The following ZNF423 variants were observed in gnomAD, a reference collection of about 807,000 sequenced individuals.
ZNF423 encodes the protein zinc finger protein 423.
ZNF423 carries 12 observed loss-of-function variants against 95.8 expected under a neutral mutation model. That is an observed-to-expected ratio of 0.13 (90% confidence interval 0.08 to 0.20). The LOEUF is 0.20. ZNF423 is among the 10% of genes least tolerant of loss of function. ZNF423 has a pLI of 1.00. For synonymous variants in ZNF423, 749 were observed against 711.9 expected, an observed-to-expected ratio of 1.05 and a Z score of -0.83; for missense variants, 1,316 against 1,737.1, an observed-to-expected ratio of 0.76 and a Z score of 4.31.
At chr16:49,790,656 C>A (rs981117580) in intron 1 of ZNF423, among the ~76,000 whole-genome samples, 15 of 152,258 alleles carry the variant, frequency 9.9e-5, no homozygotes, top group African/African-American at 3.4e-4. Context: ...GTGGAGCAAG[C>A]AGGCTGGCTT....
chr16:49,667,428 A>C (rs955031662), intron 3 of ZNF423, among the ~76,000 whole-genome samples: 3 of 152,268 alleles, frequency 2.0e-5, no homozygotes, highest in Non-Finnish European at 2.9e-5. Flanking sequence ...ACTGGATAAA[A>C]GAAATTAAAC....
chr16:49,738,890 AC>A lies in ZNF423; in HGVS notation c.101-7920del, dbSNP rs1196864780. Among the ~76,000 whole-genome samples the A allele has an allele frequency of 1.4e-4, 22 of 152,120 alleles. No homozygotes were observed. In the South Asian group the frequency reaches 3.3e-3, roughly 23 times the overall value. ...AGGCATATCCAGGGGTTACCAGAGAACCCAACTGTACAGGAGCCATCGGGAC... is the reference window on the plus strand; with the variant it reads ...AGGCATATCCAGGGGTTACCAGAGAACCAACTGTACAGGAGCCATCGGGAC... On this transcript the variant is annotated intron_variant, in intron 2 of 7. Coordinates refer to ENST00000563137, the MANE Select transcript of ZNF423 (RefSeq NM_001379286.1).
At chr16:49,628,573 CTATT>C (rs1461956851) in intron 4 of ZNF423, among the ~76,000 whole-genome samples, 3 of 152,182 alleles carry the variant, frequency 2.0e-5, no homozygotes, top group Non-Finnish European at 4.4e-5. Context: ...ATCTATCTAT[CTATT>C]TTTCTACCTA....
In ZNF423 at chr16:49,654,743, G is replaced by A. The variant is rs149692986; in HGVS notation, c.302-15869C>T. Reference sequence around the variant, plus strand: ...CTGATGCACAAATGAGAAAGTTAGCGCCCTTTCCATTCTGTTGTCAGCCTT... The same window carrying A: ...CTGATGCACAAATGAGAAAGTTAGCACCCTTTCCATTCTGTTGTCAGCCTT... On this transcript the variant is annotated intron_variant, in intron 3 of 7. Coordinates refer to ENST00000563137, the MANE Select transcript of ZNF423 (RefSeq NM_001379286.1). 3.9e-3 allele frequency among the ~76,000 whole-genome samples: 587 copies of A among 152,304 alleles called. 3 individuals carry two copies. The highest frequency in any genetic ancestry group is 0.013 in the African/African-American group (544 of 41,572).
At chr16:49,689,135 T>C (rs922621760) in intron 3 of ZNF423, among the ~76,000 whole-genome samples, 3 of 151,996 alleles carry the variant, frequency 2.0e-5, no homozygotes, top group Non-Finnish European at 2.9e-5. Flanking sequence ...GGGTCTAAGA[T>C]TGTGTTGTAT....
In ZNF423 at chr16:49,637,296, C is replaced by T. The variant is rs201174934; in HGVS notation, c.1880G>A (p.Arg627Gln). 1.0e-4 allele frequency: 162 copies of T among 1,614,170 alleles called. No homozygotes were observed. Among genetic ancestry groups the T allele is most frequent in the Middle Eastern group, 1.6e-4 (1 of 6,062 alleles). Residue 627 changes from arginine to glutamine, a missense_variant, in exon 4 of 8, where the codon CGG (arginine) becomes CAG (glutamine). Transcript: ENST00000563137. The surrounding 1 kb of genome is among the most constrained non-coding windows in gnomAD (Gnocchi z 5.6). Reference protein sequence around the residue: ...DVEVSSPKRQRLSASANSISN... With the variant: ...DVEVSSPKRQQLSASANSISN... ...GATGGAGTTGGCGCTTGCTGAGAGC[C>T]GCTGCCGCTTCGGGGAAGACACCTC... is the stretch of plus-strand genomic sequence containing the variant.
chr16:49,640,131 C>T (rs1034242680), intron 3 of ZNF423, among the ~76,000 whole-genome samples: 3 of 152,182 alleles, frequency 2.0e-5, no homozygotes, highest in Non-Finnish European at 2.9e-5. Flanking sequence ...CCTCTCCAGC[C>T]GCCAGCCAGC....
At chr16:49,858,915 C>T (rs936569923), upstream of ZNF423, among the ~76,000 whole-genome samples, 3 of 152,150 alleles carry the variant, frequency 2.0e-5, no homozygotes, top group Non-Finnish European at 4.4e-5. The surrounding 1 kb of genome is among the most constrained non-coding windows in gnomAD (Gnocchi z 4.3). Flanking sequence ...CGGCAGATGG[C>T]ACACGCTGGG....
chr16:49,811,841 G>C (rs1402215205), intron 1 of ZNF423, among the ~76,000 whole-genome samples: 1 of 151,814 alleles, frequency 6.6e-6, no homozygotes, highest in Non-Finnish European at 1.5e-5. Flanking sequence ...CCAGATCTGG[G>C]AACAGGGCAG....
At chr16:49,585,957 C>T (rs948657415) in intron 5 of ZNF423, among the ~76,000 whole-genome samples, 1 of 152,126 alleles carries the variant, frequency 6.6e-6, no homozygotes, top group African/African-American at 2.4e-5. Flanking sequence ...GCCACCGTGA[C>T]GTCTGAAATA....
intron 5 of ZNF423, among the ~76,000 whole-genome samples, chr16:49,616,755 G>T (rs1416480106): frequency 6.6e-6 from 1 of 152,120 alleles, no homozygotes; most frequent in Non-Finnish European, 1.5e-5. Context: ...AGAGAGAGGG[G>T]GCCATTCTTC....
chr16:49,647,642 A>G (rs1973230215), intron 3 of ZNF423, among the ~76,000 whole-genome samples: 1 of 152,230 alleles, frequency 6.6e-6, no homozygotes, highest in South Asian at 2.1e-4. Context: ...GCCATATGCC[A>G]AGAAATGTGA....
At chr16:49,679,060 A>G (rs916155900) in intron 3 of ZNF423, among the ~76,000 whole-genome samples, 5 of 152,180 alleles carry the variant, frequency 3.3e-5, no homozygotes, top group Non-Finnish European at 7.3e-5. Flanking sequence ...CTCCCATCTC[A>G]GCTTCTCGAA....
intron 5 of ZNF423, among the ~76,000 whole-genome samples, chr16:49,585,918 C>G (rs975718085): frequency 6.6e-6 from 1 of 152,172 alleles, no homozygotes; most frequent in Non-Finnish European, 1.5e-5. Flanking sequence ...GGAGGCTCAG[C>G]CCTGTCACTG....
At chr16:49,533,911 A>T (rs1968952394) in intron 5 of ZNF423, among the ~76,000 whole-genome samples, 1 of 152,192 alleles carries the variant, frequency 6.6e-6, no homozygotes, top group Admixed American at 6.5e-5. Context: ...TAATTCCAGG[A>T]CTTTGGGAGG....
chr16:49,608,522 T>C (rs143764825), intron 5 of ZNF423, among the ~76,000 whole-genome samples: 302 of 152,200 alleles, frequency 2.0e-3, no homozygotes, highest in African/African-American at 6.9e-3. Context: ...CTGAACATTA[T>C]ATATGAAAGA....
intron 5 of ZNF423, among the ~76,000 whole-genome samples, chr16:49,541,096 G>GAC (rs1361806978): frequency 2.0e-5 from 3 of 152,124 alleles, no homozygotes; most frequent in Non-Finnish European, 4.4e-5. Context: ...CCCCATCAGG[G>GAC]ACTCCCGCTC....
chr16:49,595,072 C>T (rs898258668), intron 5 of ZNF423, among the ~76,000 whole-genome samples: 2 of 152,182 alleles, frequency 1.3e-5, no homozygotes, highest in African/African-American at 4.8e-5. Context: ...CCCTGAACAC[C>T]CGGGTGACCC....
At chr16:49,498,789 C>T (rs960121662) in intron 7 of ZNF423, among the ~76,000 whole-genome samples, 4 of 152,116 alleles carry the variant, frequency 2.6e-5, no homozygotes, top group Non-Finnish European at 5.9e-5. Flanking sequence ...TGCTTGTGAG[C>T]ACTTATTTTT....
Sources: gnomAD v4.1 joint callset for allele counts (sites outside exome capture counted in the v4.1 genomes callset) on GRCh38, gnomAD v4.1.1 for gene constraint, Gnocchi (gnomAD v3.1) non-coding constraint, MANE v1.5 for transcripts, NCBI Gene and HGNC (gene_info 2026-07-23, HGNC 2026-07-21) for gene names.